The following MTMR8 variants were observed in gnomAD, a reference collection of about 807,000 sequenced individuals.
MTMR8 encodes phosphatidylinositol-3,5-bisphosphate 3-phosphatase MTMR8.
A neutral mutation model predicts 39.3 loss-of-function variants in MTMR8; 65 were observed. The observed-to-expected ratio is 1.65, with a 90% confidence interval of 1.35 to 2.03. The LOEUF is 2.03. Among genes scored for constraint, MTMR8 ranks in the 30% most tolerant of loss-of-function variants. The pLI is 0.00. For missense variants in MTMR8, 777 were observed against 538.9 expected (o/e 1.44, Z -4.37); for synonymous variants, 245 against 185.2 (o/e 1.32, Z -2.62).
At chrX:64,269,534 A>G (rs1023960628) in intron 13 of MTMR8, among the ~76,000 whole-genome samples, 1 of 111,446 alleles carries the variant, frequency 9.0e-6, no homozygotes, top group African/African-American at 3.3e-5. Flanking sequence ...GCCAAAGTCT[A>G]TGACCTGTCG....
chrX:64,386,817 G>T (rs1350479674), intron 1 of MTMR8, among the ~76,000 whole-genome samples: 1 of 110,828 alleles, frequency 9.0e-6, no homozygotes, highest in Non-Finnish European at 1.9e-5. Context: ...GCCCAAGTAG[G>T]AGGATTGCTT....
intron 4 of MTMR8, among the ~76,000 whole-genome samples, chrX:64,350,816 A>G (rs751717545): frequency 9.0e-6 from 1 of 111,364 alleles, no homozygotes; most frequent in Non-Finnish European, 1.9e-5. Flanking sequence ...ACCAAAATAC[A>G]TATTTCCAAA....
At chrX:64,314,915 C>T (rs1434198756) in intron 12 of MTMR8, among the ~76,000 whole-genome samples, 3 of 111,508 alleles carry the variant, frequency 2.7e-5, no homozygotes, top group Non-Finnish European at 5.7e-5. Context: ...ACCAATGTGG[C>T]CAGGCTGGGG....
intron 1 of MTMR8, among the ~76,000 whole-genome samples, chrX:64,376,951 G>C (rs937659996): frequency 8.9e-6 from 1 of 111,931 alleles, no homozygotes; most frequent in Non-Finnish European, 1.9e-5. Context: ...AGCCACTCCA[G>C]CTCCAGCCAT....
chrX:64,356,892 C>T (rs905430255), intron 2 of MTMR8, among the ~76,000 whole-genome samples: 2 of 110,440 alleles, frequency 1.8e-5, no homozygotes, highest in Admixed American at 1.9e-4. Flanking sequence ...AGAAGTGGCA[C>T]AAACAGAATT....
At chrX:64,269,111 T>C in intron 13 of MTMR8, 68 bp from the exon 14 acceptor site, 2 of 1,069,509 alleles carry the variant, frequency 1.9e-6, no homozygotes, top group East Asian at 3.0e-5. Flanking sequence ...AACATTACCT[T>C]GATCTGCAGA....
At chrX:64,342,578 G>C (rs993375650) in intron 8 of MTMR8, among the ~76,000 whole-genome samples, 2 of 112,312 alleles carry the variant, frequency 1.8e-5, no homozygotes, top group Non-Finnish European at 1.9e-5. Flanking sequence ...TATGGATGTA[G>C]AATCTATGAA....
At chrX:64,357,247 T>G (rs1228303692) in intron 2 of MTMR8, among the ~76,000 whole-genome samples, 3 of 111,289 alleles carry the variant, frequency 2.7e-5, no homozygotes, top group Non-Finnish European at 5.7e-5. Context: ...TTCTCTAGAC[T>G]CCCTGTCCTG....
At chrX:64,293,070 T>C (rs1200574092) in intron 12 of MTMR8, among the ~76,000 whole-genome samples, 4 of 110,916 alleles carry the variant, frequency 3.6e-5, no homozygotes, top group Non-Finnish European at 7.6e-5. Context: ...GATGCTGAAG[T>C]GGGTTTATCA....
At chrX:64,329,730 A>G (rs1922894889) in intron 11 of MTMR8, among the ~76,000 whole-genome samples, 1 of 111,407 alleles carries the variant, frequency 9.0e-6, no homozygotes, top group African/African-American at 3.3e-5. Flanking sequence ...GTGGTCTTGT[A>G]ACTTTTGCAA....
intron 12 of MTMR8, among the ~76,000 whole-genome samples, chrX:64,273,686 A>T (rs976050727): frequency 7.2e-5 from 8 of 111,512 alleles, no homozygotes; most frequent in African/African-American, 2.3e-4. Context: ...TAAGAAAAAC[A>T]TCCTATTATA....
At chrX:64,276,926 A>T (rs1931882876) in intron 12 of MTMR8, among the ~76,000 whole-genome samples, 1 of 111,608 alleles carries the variant, frequency 9.0e-6, no homozygotes, top group Non-Finnish European at 1.9e-5. Context: ...TTATGAATTT[A>T]GGTGTTCCTG....
At chrX:64,394,874 G>A (rs1924781280) in intron 1 of MTMR8, among the ~76,000 whole-genome samples, 1 of 112,468 alleles carries the variant, frequency 8.9e-6, no homozygotes, top group African/African-American at 3.2e-5. Flanking sequence ...GGGGTTCTGG[G>A]CAATCCCTGG....
chrX:64,368,272 C>T (rs994696770), intron 1 of MTMR8, among the ~76,000 whole-genome samples: 14 of 111,445 alleles, frequency 1.3e-4, no homozygotes, highest in African/African-American at 3.6e-4. Flanking sequence ...AAAGTTCATA[C>T]GGAATCAAAA....
At chrX:64,273,225 G>A (rs914593216) in intron 12 of MTMR8, among the ~76,000 whole-genome samples, 1 of 111,130 alleles carries the variant, frequency 9.0e-6, no homozygotes, top group Non-Finnish European at 1.9e-5. Context: ...GTTTAAAAAA[G>A]TATTAGAATA....
At chrX:64,345,309 C>T (rs1923322617) in intron 6 of MTMR8, 132 bp from the exon 7 acceptor site, 1 of 633,455 alleles carries the variant, frequency 1.6e-6, no homozygotes, top group East Asian at 3.6e-5. Flanking sequence ...AGATGAGATA[C>T]ATTCTGGAAT....
At chrX:64,294,615 T>A (rs1921504677) in intron 12 of MTMR8, among the ~76,000 whole-genome samples, 1 of 111,841 alleles carries the variant, frequency 8.9e-6, no homozygotes, top group African/African-American at 3.3e-5. Flanking sequence ...AAACAATAGA[T>A]ATTTATTCCT....
At chrX:64,303,564 C>T (rs1430152457) in intron 12 of MTMR8, among the ~76,000 whole-genome samples, 2 of 112,095 alleles carry the variant, frequency 1.8e-5, no homozygotes, top group South Asian at 3.7e-4. Flanking sequence ...TACTTGTGCT[C>T]AAAGGGGAAG....
intron 12 of MTMR8, among the ~76,000 whole-genome samples, chrX:64,323,392 C>A (rs1192980528): frequency 2.7e-5 from 3 of 111,788 alleles, no homozygotes; most frequent in Non-Finnish European, 5.6e-5. Context: ...ATGTATACAC[C>A]TAACACCAGA....
Sources: gnomAD v4.1 joint callset for allele counts (sites outside exome capture counted in the v4.1 genomes callset) on GRCh38, gnomAD v4.1.1 for gene constraint, MANE v1.5 for transcripts, NCBI Gene and HGNC (gene_info 2026-07-23, HGNC 2026-07-21) for gene names.